The following RERE variants were observed in gnomAD, a reference collection of about 807,000 sequenced individuals.
RERE encodes arginine-glutamic acid dipeptide repeats protein.
A neutral mutation model predicts 146.1 loss-of-function variants in RERE; 40 were observed. That is an observed-to-expected ratio of 0.27 (90% CI 0.21 to 0.36). The LOEUF is 0.36. RERE is among the 10% of genes least tolerant of loss of function. The probability of loss-of-function intolerance (pLI) is 1.00; values close to 1 mark genes in which losing one functional copy is unlikely to be tolerated. For synonymous variants in RERE, 1,003 were observed against 866.0 expected (o/e 1.16, Z -2.78); for missense variants, 1,933 against 2,138.7 (o/e 0.90, Z 1.90).
chr1:8,803,667 A>C (rs950167244), intron 1 of RERE, among the ~76,000 whole-genome samples: 18 of 151,352 alleles, frequency 1.2e-4, no homozygotes, highest in Admixed American at 1.1e-3. Context: ...AGCTAAATCA[A>C]TTCTCCCCCC....
At chr1:8,451,907 T>TC (rs1644395344) in intron 11 of RERE, among the ~76,000 whole-genome samples, 1 of 152,098 alleles carries the variant, frequency 6.6e-6, no homozygotes, top group Non-Finnish European at 1.5e-5. Context: ...GTCCTATCCT[T>TC]CCCCACACAT....
intron 10 of RERE, among the ~76,000 whole-genome samples, chr1:8,493,058 C>T (rs1292227945): frequency 6.6e-6 from 1 of 152,216 alleles, no homozygotes; most frequent in Admixed American, 6.5e-5. Context: ...GCACTCCAGC[C>T]TGGGTGACAG....
chr1:8,507,898 C>T (rs1645278742), intron 8 of RERE, among the ~76,000 whole-genome samples: 1 of 151,864 alleles, frequency 6.6e-6, no homozygotes. Flanking sequence ...TGCCACCACG[C>T]CCGGCTAATT....
intron 4 of RERE, among the ~76,000 whole-genome samples, chr1:8,580,907 A>G (rs1646356664): frequency 6.6e-6 from 1 of 152,044 alleles, no homozygotes; most frequent in African/African-American, 2.4e-5. Context: ...CTATGTTGCC[A>G]AGACTGATCT....
chr1:8,705,159 T>G (rs1226536519), intron 1 of RERE, among the ~76,000 whole-genome samples: 1 of 152,152 alleles, frequency 6.6e-6, no homozygotes, highest in Non-Finnish European at 1.5e-5. Context: ...TTATAGTGAG[T>G]TGGAAAAGGC....
At chr1:8,744,694 A>T (rs1640385928) in intron 1 of RERE, among the ~76,000 whole-genome samples, 1 of 152,244 alleles carries the variant, frequency 6.6e-6, no homozygotes, top group African/African-American at 2.4e-5. Context: ...TAGAGGTGTT[A>T]ATCAGTTAAC....
At chr1:8,530,560 A>G (rs1645630597) in intron 7 of RERE, among the ~76,000 whole-genome samples, 1 of 152,132 alleles carries the variant, frequency 6.6e-6, no homozygotes, top group South Asian at 2.1e-4. Flanking sequence ...AGTTTGGAAG[A>G]GATATTCTAA....
At chr1:8,449,040 C>G (rs560633413) in intron 11 of RERE, among the ~76,000 whole-genome samples, 1 of 152,160 alleles carries the variant, frequency 6.6e-6, no homozygotes, top group Non-Finnish European at 1.5e-5. Context: ...GACATGAGAT[C>G]GGCCTTTACA....
intron 15 of RERE, chr1:8,363,619 T>C (rs1015817213): frequency 5.8e-6 from 1 of 173,860 alleles, no homozygotes. Flanking sequence ...AGTCTCTTTA[T>C]GGGAGGAGCT....
At chr1:8,636,460 G>A (rs891023246) in intron 2 of RERE, among the ~76,000 whole-genome samples, 4 of 151,980 alleles carry the variant, frequency 2.6e-5, no homozygotes, top group Admixed American at 6.6e-5. Flanking sequence ...CTTGAGCCCA[G>A]GAGTATGAGC....
intron 1 of RERE, among the ~76,000 whole-genome samples, chr1:8,797,576 T>C (rs1335248777): frequency 6.6e-6 from 1 of 152,196 alleles, no homozygotes; most frequent in Non-Finnish European, 1.5e-5. Context: ...GACTTACTAA[T>C]TTAAAGCACT....
chr1:8,355,162 A>AG, intron 22 of RERE, 42 bp from the exon 23 acceptor site: 1 of 1,607,956 alleles, frequency 6.2e-7, no homozygotes, highest in South Asian at 1.1e-5. Context: ...TCTCAGGCCT[A>AG]GGCAGGCAGT....
chr1:8,507,054 TG>T (rs1293078525), intron 8 of RERE, among the ~76,000 whole-genome samples: 1 of 152,068 alleles, frequency 6.6e-6, no homozygotes, highest in Non-Finnish European at 1.5e-5. Flanking sequence ...TGTCATGACA[TG>T]GGAGACAGAA....
chr1:8,750,852 G>A (rs1640518270), intron 1 of RERE: 1 of 822,376 alleles, frequency 1.2e-6, no homozygotes, highest in East Asian at 2.4e-5. Context: ...TATATTACAT[G>A]GGGGAACCCA....
rs1481950555 is a variant in RERE at position 8,353,441 on chromosome 1, T to C, written c.*1646A>G. 1 of 152,256 alleles carries C rather than the reference T, an allele frequency of 6.6e-6. No individual in the cohort carries two copies. The highest frequency in any genetic ancestry group is 1.5e-5 in the Non-Finnish European group (1 of 68,060). The allele number at this position is 152,256 out of a possible 1,614,324, so 9.4% of individuals were successfully genotyped here. ...ATGGACTTTGTGTCCGCCGACCCAGTGTGGTCTCTGTCCTACAATTCTTGG... is the reference window on the plus strand; with the variant it reads ...ATGGACTTTGTGTCCGCCGACCCAGCGTGGTCTCTGTCCTACAATTCTTGG... On this transcript the variant is annotated 3_prime_UTR_variant, in exon 23 of 23. Transcript: ENST00000400908.
rs568370827 is a variant in RERE at position 8,646,556 on chromosome 1, C to CAAAAAAA, written c.325+9410_325+9416dup. Among the ~76,000 whole-genome samples the CAAAAAAA allele has an allele frequency of 4.3e-3, 626 of 144,236 alleles. 3 individuals carry two copies. Among genetic ancestry groups the CAAAAAAA allele is most frequent in the African/African-American group, 0.015 (592 of 39,212 alleles). 94.6% of individuals were successfully genotyped at this position (144,236 alleles called of 152,430 possible). A position where few individuals can be genotyped will look rare whatever the true frequency, so the allele number is the denominator to read the frequency against. On this transcript the variant is annotated intron_variant, in intron 2 of 22. Transcript: ENST00000400908. ...CGCCACTCAAAAAAAAACAAACAAA[C>CAAAAAAA]AAAAAAAAAACAGGGTCATCATTGC...
rs147127476 is a variant in RERE, at chr1:8,716,665, T to C, written c.-144-60224A>G. Among the ~76,000 whole-genome samples, 25 of 151,928 alleles carry C rather than the reference T, an allele frequency of 1.6e-4. No homozygotes were observed. The East Asian group carries it at 4.1e-3, about 25-fold the overall frequency. On this transcript the variant is annotated intron_variant, in intron 1 of 22. Transcript: ENST00000400908. ...ACTTGATTAAGTACGTGCACATATATTACCTAGAAAAAAAAATCATATGAA... is the reference window on the plus strand; with the variant it reads ...ACTTGATTAAGTACGTGCACATATACTACCTAGAAAAAAAAATCATATGAA...
chr1:8,390,903 C>T (rs987552437), intron 12 of RERE, among the ~76,000 whole-genome samples: 5 of 152,124 alleles, frequency 3.3e-5, no homozygotes, highest in African/African-American at 9.7e-5. Context: ...AACACCAAAT[C>T]TCACCAATCC....
At chr1:8,768,863 A>C (rs1050751709) in intron 1 of RERE, among the ~76,000 whole-genome samples, 11 of 152,356 alleles carry the variant, frequency 7.2e-5, no homozygotes, top group Admixed American at 1.3e-4. Context: ...TCACACCCCA[A>C]GTTCCAAGAG....
Sources: gnomAD v4.1 joint callset for allele counts (sites outside exome capture counted in the v4.1 genomes callset) on GRCh38, gnomAD v4.1.1 for gene constraint, MANE v1.5 for transcripts, NCBI Gene and HGNC (gene_info 2026-07-23, HGNC 2026-07-21) for gene names.